RBFOX1: variants seen among roughly 807,000 people sequenced by gnomAD.
RBFOX1 encodes RNA binding protein fox-1 homolog 1.
Under a neutral mutation model 57.7 loss-of-function variants are expected in RBFOX1, and 8 were observed. The ratio of observed to expected loss-of-function variants is 0.14; its 90% CI spans 0.08 to 0.25. The LOEUF (loss-of-function observed/expected upper bound fraction) is 0.25, where lower values mean the gene tolerates loss of function less well. Ranked by LOEUF, RBFOX1 falls within the 10% of genes least tolerant of loss-of-function variation. RBFOX1 has a pLI of 1.00. For synonymous variants in RBFOX1, 326 were observed against 222.4 expected, an observed-to-expected ratio of 1.47 and a Z score of -4.15; for missense variants, 611 against 548.5, an observed-to-expected ratio of 1.11 and a Z score of -1.14.
At chr16:6,079,370 A>C (rs534519160) in intron 1 of RBFOX1, among the ~76,000 whole-genome samples, 9 of 152,302 alleles carry the variant, frequency 5.9e-5, no homozygotes, top group African/African-American at 2.2e-4. Context: ...GGAGTGTGGC[A>C]GTATGAATAT....
Position 5,707,544 on chromosome 16 carries a change from T to G in RBFOX1, c.318+108583T>G, listed in dbSNP as rs114202367. ...ATCTGCAAGGAACTCAGAGAATCAT[T>G]GAGATAGGCAAATATCATGCCTTCC... On this transcript the variant is annotated intron_variant, in intron 3 of 19. Coordinates refer to the RBFOX1 transcript ENST00000641259. 6.9e-3 allele frequency among the ~76,000 whole-genome samples: 1,050 copies of G among 152,278 alleles called. 14 individuals carry two copies. The highest frequency in any genetic ancestry group is 0.025 in the African/African-American group (1,024 of 41,546).
At chr16:6,408,779 G>A (rs1243596927) in intron 2 of RBFOX1, among the ~76,000 whole-genome samples, 3 of 152,132 alleles carry the variant, frequency 2.0e-5, no homozygotes, top group Non-Finnish European at 4.4e-5. Flanking sequence ...GTGACCTCAG[G>A]AAAATGACAG....
At chr16:6,755,419 A>G (rs545145324) in intron 3 of RBFOX1, among the ~76,000 whole-genome samples, 1 of 152,150 alleles carries the variant, frequency 6.6e-6, no homozygotes, top group East Asian at 1.9e-4. Flanking sequence ...ATGGTATCTC[A>G]TTGTGGTTTT....
intron 14 of RBFOX1, among the ~76,000 whole-genome samples, chr16:7,698,325 C>T (rs762988735): frequency 6.6e-6 from 1 of 151,948 alleles, no homozygotes; most frequent in Non-Finnish European, 1.5e-5. Context: ...ATGTTTTCAT[C>T]TCAGTTCCTG....
intron 2 of RBFOX1, among the ~76,000 whole-genome samples, chr16:6,593,139 C>G (rs1342489110): frequency 2.0e-5 from 3 of 152,108 alleles, no homozygotes; most frequent in Admixed American, 2.0e-4. Context: ...TTGCAGTGGG[C>G]TGAGATGGCA....
chr16:7,254,291 C>G (rs1328565813), intron 4 of RBFOX1, among the ~76,000 whole-genome samples: 1 of 152,158 alleles, frequency 6.6e-6, no homozygotes, highest in Non-Finnish European at 1.5e-5. Flanking sequence ...ATTCTTGACT[C>G]ATTTGCCTTT....
At chr16:7,360,893 C>A (rs538687724) in intron 4 of RBFOX1, among the ~76,000 whole-genome samples, 1 of 152,260 alleles carries the variant, frequency 6.6e-6, no homozygotes, top group African/African-American at 2.4e-5. Context: ...TATTTAGAGT[C>A]CCTGAATGTA....
intron 4 of RBFOX1, among the ~76,000 whole-genome samples, chr16:7,191,544 A>G (rs17142836): frequency 0.096 from 14,552 of 152,232 alleles, 1,268 homozygotes; most frequent in African/African-American, 0.24. Context: ...ATTTATAACC[A>G]TGGAAGCTGT....
intron 4 of RBFOX1, among the ~76,000 whole-genome samples, chr16:7,136,786 A>G (rs897636612): frequency 6.6e-6 from 1 of 152,220 alleles, no homozygotes; most frequent in Non-Finnish European, 1.5e-5. Flanking sequence ...GGTTAGTATT[A>G]ACCAGGGCAT....
chr16:6,148,946 A>T (rs150132426), intron 1 of RBFOX1, among the ~76,000 whole-genome samples: 1 of 152,292 alleles, frequency 6.6e-6, no homozygotes, highest in East Asian at 1.9e-4. Context: ...AAAAAATTCC[A>T]AGGCTCACAA....
intron 3 of RBFOX1, among the ~76,000 whole-genome samples, chr16:6,917,543 A>G (rs999330729): frequency 2.0e-5 from 3 of 152,178 alleles, no homozygotes; most frequent in South Asian, 2.1e-4. Context: ...AATGCTAACA[A>G]TGTTCATTTT....
chr16:6,201,283 T>G (rs940142669), intron 1 of RBFOX1, among the ~76,000 whole-genome samples: 1 of 152,196 alleles, frequency 6.6e-6, no homozygotes, highest in African/African-American at 2.4e-5. Context: ...TGCAGACCTC[T>G]TCTTTATAAG....
chr16:7,196,421 A>G (rs1475868021), intron 4 of RBFOX1, among the ~76,000 whole-genome samples: 1 of 152,174 alleles, frequency 6.6e-6, no homozygotes, highest in Non-Finnish European at 1.5e-5. Context: ...AAAATCAAGA[A>G]ACATCTTTCA....
intron 1 of RBFOX1, among the ~76,000 whole-genome samples, chr16:5,333,190 A>AAAAC (rs3084418): frequency 0.94 from 142,099 of 151,764 alleles, 67,251 homozygotes; most frequent in East Asian, 1. Flanking sequence ...TCCATCTCAA[A>AAAAC]AAACAAACAA....
chr16:5,524,470 A>G (rs1391513797), intron 2 of RBFOX1, among the ~76,000 whole-genome samples: 1 of 152,034 alleles, frequency 6.6e-6, no homozygotes, highest in African/African-American at 2.4e-5. Flanking sequence ...TCTTTATAAT[A>G]GAATGATTTA....
chr16:5,247,604 A>G (rs947456861), intron 1 of RBFOX1, among the ~76,000 whole-genome samples: 2 of 152,210 alleles, frequency 1.3e-5, no homozygotes, highest in African/African-American at 4.8e-5. Flanking sequence ...GTTCATACAA[A>G]TAAAGTTTTA....
At chr16:7,063,096 G>C (rs992877766) in intron 4 of RBFOX1, among the ~76,000 whole-genome samples, 1 of 151,842 alleles carries the variant, frequency 6.6e-6, no homozygotes, top group African/African-American at 2.4e-5. Flanking sequence ...ATGCCTCTGT[G>C]AATCGGCGCT....
chr16:5,900,386 G>A (rs895889035), intron 4 of RBFOX1, among the ~76,000 whole-genome samples: 1 of 152,130 alleles, frequency 6.6e-6, no homozygotes, highest in Admixed American at 6.5e-5. Flanking sequence ...AATTGTACAT[G>A]CCAAAAGGAA....
chr16:6,167,971 C>A (rs1250754209), intron 1 of RBFOX1, among the ~76,000 whole-genome samples: 2 of 152,188 alleles, frequency 1.3e-5, no homozygotes, highest in Non-Finnish European at 2.9e-5. Flanking sequence ...ATGGCAAAAT[C>A]CAATTATAAA....
Sources: allele counts gnomAD v4.1 joint callset (sites outside exome capture counted in the v4.1 genomes callset), GRCh38; gene constraint gnomAD v4.1.1; transcripts MANE v1.5; gene names NCBI Gene and HGNC (gene_info 2026-07-23, HGNC 2026-07-21).